NEO1: variants seen among roughly 807,000 people sequenced by gnomAD.
NEO1 encodes neogenin.
In NEO1, 63 loss-of-function variants were observed where a neutral mutation model predicts 159.7. That is an observed-to-expected ratio of 0.39 (90% confidence interval 0.32 to 0.49). NEO1 has a LOEUF of 0.49. NEO1 is among the 20% of genes least tolerant of loss of function. The probability of loss-of-function intolerance (pLI) is 0.85; values close to 1 mark genes in which losing one functional copy is unlikely to be tolerated. For synonymous variants in NEO1, 633 were observed against 662.0 expected (o/e 0.96, Z 0.67); for missense variants, 1,615 against 1,831.0 (o/e 0.88, Z 2.15).
At chr15:73,130,782 G>A (rs953409876) in intron 4 of NEO1, among the ~76,000 whole-genome samples, 1 of 152,226 alleles carries the variant, frequency 6.6e-6, no homozygotes, top group Non-Finnish European at 1.5e-5. Flanking sequence ...TCACACTGGG[G>A]TGGTATCAAA....
chr15:73,261,015 G>A (rs573014486), intron 15 of NEO1, among the ~76,000 whole-genome samples: 1 of 152,088 alleles, frequency 6.6e-6, no homozygotes, highest in African/African-American at 2.4e-5. Context: ...TCCTCTACAC[G>A]TGTTAACATC....
chr15:73,299,454 C>T (rs901917110), intron 27 of NEO1, among the ~76,000 whole-genome samples: 55 of 151,300 alleles, frequency 3.6e-4, no homozygotes, highest in Middle Eastern at 6.3e-3. Flanking sequence ...GGGGCAATCT[C>T]GGCTCACTGC....
intron 7 of NEO1, among the ~76,000 whole-genome samples, chr15:73,189,192 A>G (rs2036103558): frequency 6.6e-6 from 1 of 152,204 alleles, no homozygotes; most frequent in Non-Finnish European, 1.5e-5. Context: ...TATTTGTCAT[A>G]TGTTTAGAAA....
intron 1 of NEO1, among the ~76,000 whole-genome samples, chr15:73,074,757 C>T (rs148303860): frequency 1.3e-5 from 2 of 152,128 alleles, no homozygotes; most frequent in Non-Finnish European, 2.9e-5. Context: ...GTCAGTCTTA[C>T]CCCAGGAGTC....
chr15:73,140,626 A>G (rs1047722487), intron 5 of NEO1, among the ~76,000 whole-genome samples: 1 of 152,134 alleles, frequency 6.6e-6, no homozygotes, highest in African/African-American at 2.4e-5. Context: ...CTAGGAGTAT[A>G]CTTACCAGAA....
At chr15:73,186,719 T>G (rs2035952337) in intron 7 of NEO1, among the ~76,000 whole-genome samples, 1 of 152,066 alleles carries the variant, frequency 6.6e-6, no homozygotes, top group Non-Finnish European at 1.5e-5. Flanking sequence ...TAAAGTGAAT[T>G]TTAAAAGCAA....
At position 73,155,774 on chromosome 15, in the gene NEO1, T is replaced by C. The variant is rs74843827; in HGVS notation, c.1015+19747T>C. 8.7e-3 allele frequency among the ~76,000 whole-genome samples: 1,323 copies of C among 152,348 alleles called. 23 individuals carry two copies. The highest frequency in any genetic ancestry group is 0.03 in the African/African-American group (1,251 of 41,582). On this transcript the variant is annotated intron_variant, in intron 5 of 28. Coordinates refer to ENST00000261908, the MANE Select transcript of NEO1 (RefSeq NM_002499.4). ...TGAAGCTTTCAAATGTATTTTGTAA[T>C]TCCTTCAATGAATTGTTCAGTTCTA...
At chr15:73,265,187 A>G (rs1395503225) in intron 15 of NEO1, among the ~76,000 whole-genome samples, 1 of 152,198 alleles carries the variant, frequency 6.6e-6, no homozygotes, top group African/African-American at 2.4e-5. Flanking sequence ...GAAGACAAGT[A>G]GTAGATTCAA....
At chr15:73,295,147 A>ATATATATATATATATATATAT (rs1238740275) in intron 26 of NEO1, among the ~76,000 whole-genome samples, 57 of 100,522 alleles carry the variant, frequency 5.7e-4, no homozygotes, top group East Asian at 1.0e-3. Flanking sequence ...TATATATGTA[A>ATATATATATATATATATATAT]AAATTTGGCC....
chr15:73,214,380 TC>T (rs1230930622), intron 7 of NEO1, among the ~76,000 whole-genome samples: 1 of 152,258 alleles, frequency 6.6e-6, no homozygotes, highest in East Asian at 1.9e-4. Context: ...TTCCATGTTA[TC>T]TTCTAGAATT....
At chr15:73,089,621 C>G (rs2069566779) in intron 1 of NEO1, among the ~76,000 whole-genome samples, 1 of 149,872 alleles carries the variant, frequency 6.7e-6, no homozygotes, top group Non-Finnish European at 1.5e-5. Flanking sequence ...TTTTTTGCTC[C>G]TTAACTTGGT....
intron 16 of NEO1, among the ~76,000 whole-genome samples, chr15:73,268,132 C>T (rs1212337055): frequency 2.6e-5 from 4 of 152,018 alleles, no homozygotes; most frequent in African/African-American, 9.7e-5. Flanking sequence ...AAGACTACTA[C>T]ATGTTTGGTA....
At chr15:73,245,483 G>A (rs2039741531) in intron 9 of NEO1, among the ~76,000 whole-genome samples, 1 of 152,130 alleles carries the variant, frequency 6.6e-6, no homozygotes, top group African/African-American at 2.4e-5. Context: ...GAAATTACAA[G>A]CAGCCAGATC....
chr15:73,136,489 T>C (rs2031778427), intron 5 of NEO1, among the ~76,000 whole-genome samples: 2 of 152,184 alleles, frequency 1.3e-5, no homozygotes, highest in Non-Finnish European at 2.9e-5. Flanking sequence ...CTCTGTTCTG[T>C]GACCCCGAAT....
intron 7 of NEO1, among the ~76,000 whole-genome samples, chr15:73,223,130 G>C (rs2038383842): frequency 6.6e-6 from 1 of 152,118 alleles, no homozygotes; most frequent in South Asian, 2.1e-4. Flanking sequence ...TTGATTTCCA[G>C]TTTTATTCCA....
chr15:73,116,135 A>G (rs2071298182), intron 1 of NEO1, among the ~76,000 whole-genome samples: 1 of 152,154 alleles, frequency 6.6e-6, no homozygotes, highest in African/African-American at 2.4e-5. Flanking sequence ...AATACAAATA[A>G]CTGATAAACA....
chr15:73,296,884 A>T (rs763760820), intron 26 of NEO1, among the ~76,000 whole-genome samples: 1 of 152,162 alleles, frequency 6.6e-6, no homozygotes, highest in African/African-American at 2.4e-5. Flanking sequence ...AAAACTTATG[A>T]ATTATTTATT....
In NEO1 at chr15:73,260,453, A is replaced by C; in HGVS notation, c.2386A>C (p.Ile796Leu). The change falls in exon 15 of 29, where the codon ATT (isoleucine) becomes CTT (leucine). Residue 796 changes from isoleucine to leucine, a missense_variant. Around this residue, in one of 3 missense-constraint regions of NEO1, gnomAD observed 1,018 missense variants for 1,115.4 expected, o/e 0.91. Coordinates refer to ENST00000261908, the MANE Select transcript of NEO1 (RefSeq NM_002499.4). ...KVDYKQRYYTIENLDPSSHYV... is the reference protein window; with the variant it reads ...KVDYKQRYYTLENLDPSSHYV... ...GGACTATAAACAGCGCTATTACACC[A>C]TTGAAAATCTGGGTATGTTTGCTAA... 2 of 1,589,430 alleles carry C rather than the reference A, an allele frequency of 1.3e-6. No individual in the cohort carries two copies. The highest frequency in any genetic ancestry group is 1.7e-6 in the Non-Finnish European group (2 of 1,161,916).
At chr15:73,069,219 C>T (rs956766001) in intron 1 of NEO1, among the ~76,000 whole-genome samples, 2 of 151,126 alleles carry the variant, frequency 1.3e-5, no homozygotes, top group Admixed American at 6.6e-5. Context: ...TTCTTGGCCT[C>T]CCAAAGTGCT....
Sources: gnomAD v4.1 joint callset for allele counts (sites outside exome capture counted in the v4.1 genomes callset) on GRCh38, gnomAD v4.1.1 for gene constraint, gnomAD v4.1.1 regional missense constraint, MANE v1.5 for transcripts, NCBI Gene and HGNC (gene_info 2026-07-23, HGNC 2026-07-21) for gene names.